The following CS variants were observed in gnomAD, a reference collection of about 807,000 sequenced individuals.
CS encodes the protein citrate synthase, also known as citrate synthase, mitochondrial.
Under a neutral mutation model 61.4 loss-of-function variants are expected in CS, and 13 were observed. The observed-to-expected ratio is 0.21, with a 90% CI of 0.14 to 0.34. The LOEUF (loss-of-function observed/expected upper bound fraction) is 0.34, where lower values mean the gene tolerates loss of function less well. Ranked by LOEUF, CS falls within the 10% of genes least tolerant of loss-of-function variation. The pLI, the probability that CS is intolerant of heterozygous loss-of-function variation, is 1.00. For synonymous variants in CS, 159 were observed against 215.2 expected, an observed-to-expected ratio of 0.74 and a Z score of 2.29; for missense variants, 278 against 573.4, an observed-to-expected ratio of 0.48 and a Z score of 5.26.
chr12:56,275,630 A>AGAGCT, intron 7 of CS: 1 of 269,206 alleles, frequency 3.7e-6, no homozygotes, highest in Admixed American at 4.9e-5. Context: ...ACTCATCCAC[A>AGAGCT]GAGCTGGAGA....
rs767299120 is a variant in CS, at chr12:56,276,019, C to T, written c.765G>A (p.Thr255=). ...ACCTGTGGATGGTGAGGTACAGGCGCGTGAGCTCAGTGAACTGATGATCAG... is the reference window on the plus strand; with the variant it reads ...ACCTGTGGATGGTGAGGTACAGGCGTGTGAGCTCAGTGAACTGATGATCAG... The part of the protein sequence containing the change: ...GYTDHQFTEL[T]RLYLTIHSDH... Residue 255 remains threonine, a synonymous_variant, in exon 7 of 11, where the codon ACG becomes ACA. Transcript: ENST00000351328. The T allele has an allele frequency of 1.2e-5, 19 of 1,614,028 alleles. No individual in the cohort carries two copies. Among genetic ancestry groups the T allele is most frequent in the South Asian group, 5.5e-5 (5 of 91,094 alleles).
intron 1 of CS, among the ~76,000 whole-genome samples, chr12:56,292,853 G>A (rs1042544006): frequency 6.6e-6 from 1 of 151,780 alleles, no homozygotes; most frequent in African/African-American, 2.4e-5. Context: ...GCAGTGAGCC[G>A]AGTTCGCACC....
intron 6 of CS, among the ~76,000 whole-genome samples, chr12:56,277,477 C>T (rs1211468531): frequency 2.0e-5 from 3 of 150,268 alleles, no homozygotes; most frequent in South Asian, 2.1e-4. Context: ...CCAGCCTGGG[C>T]GACAGAGTGA....
At chr12:56,277,010 G>A (rs1301292929) in intron 6 of CS, among the ~76,000 whole-genome samples, 1 of 151,898 alleles carries the variant, frequency 6.6e-6, no homozygotes, top group Non-Finnish European at 1.5e-5. Context: ...GACCAGCCTG[G>A]CCAACATGGT....
chr12:56,275,526 T>G (rs1421387186), intron 7 of CS: 5 of 209,134 alleles, frequency 2.4e-5, no homozygotes, highest in Admixed American at 2.2e-4. Context: ...GAGCCAAGAT[T>G]GCGCCATTGC....
chr12:56,273,326 A>C, intron 10 of CS, 72 bp from the exon 11 acceptor site: 1 of 1,474,622 alleles, frequency 6.8e-7, no homozygotes, highest in Admixed American at 2.0e-5. Flanking sequence ...AGGTGATAGA[A>C]ACCTTAAAAG....
intron 1 of CS, among the ~76,000 whole-genome samples, chr12:56,293,727 TA>T (rs1481799074): frequency 6.6e-6 from 1 of 151,792 alleles, no homozygotes; most frequent in South Asian, 2.1e-4. Flanking sequence ...ATAATAATAC[TA>T]AAAAAAATTA....
At position 56,283,963 on chromosome 12, in the gene CS, T is replaced by C. The variant is rs376250899; in HGVS notation, c.202-106A>G. On this transcript the variant is annotated intron_variant, in intron 3 of 10. Transcript: ENST00000351328. ...GCTTCATGGGATCTGGGAGAGAAAA[T>C]TTATTCTCAGACTTGTAAGACTTCA... 1.8e-4 allele frequency: 139 copies of C among 792,164 alleles called. 1 individual carries two copies. The East Asian group carries it at 3.4e-3, about 20-fold the overall frequency. 49.1% of individuals were successfully genotyped at this position (792,164 alleles called of 1,614,324 possible).
intron 3 of CS, among the ~76,000 whole-genome samples, chr12:56,284,323 AAAAAAAAAAAAAAAG>A (rs1872866381): frequency 6.7e-6 from 1 of 149,426 alleles, no homozygotes; most frequent in Non-Finnish European, 1.5e-5. Flanking sequence ...CCATCTCAAA[AAAAAAAAAAAAAAAG>A]AAAAAAAAAA....
At chr12:56,275,264 T>C in intron 7 of CS, 133 bp from the exon 8 acceptor site, 1 of 1,032,386 alleles carries the variant, frequency 9.7e-7, no homozygotes, top group East Asian at 2.4e-5. Context: ...CAGTTATACC[T>C]AAACTCTTGT....
At chr12:56,286,255 T>TG in intron 2 of CS, 1 of 564,218 alleles carries the variant, frequency 1.8e-6, no homozygotes, top group Non-Finnish European at 3.1e-6. Context: ...GTTCTGGAGA[T>TG]GGATGGTTGC....
chr12:56,285,310 T>C, intron 3 of CS: 1 of 420,636 alleles, frequency 2.4e-6, no homozygotes, highest in South Asian at 1.7e-5. Context: ...GGAGATAGGG[T>C]CTCCCTCTGT....
At chr12:56,286,081 A>G in intron 2 of CS, 58 bp from the exon 3 acceptor site, 1 of 1,447,402 alleles carries the variant, frequency 6.9e-7, no homozygotes. Flanking sequence ...GATTTCCTGC[A>G]AAGTAGGTGT....
At chr12:56,284,948 C>CTT (rs544119115) in intron 3 of CS, among the ~76,000 whole-genome samples, 1 of 140,726 alleles carries the variant, frequency 7.1e-6, no homozygotes. Flanking sequence ...CAAGGCTGAT[C>CTT]TTTTTTTTTT....
rs1289351492 is a variant in CS, at chr12:56,282,780, ATCAGCATTAAGTGTC to A, written c.399+65_399+79del. On this transcript the variant is annotated intron_variant, in intron 5 of 10. Coordinates refer to ENST00000351328, the MANE Select transcript of CS (RefSeq NM_004077.3). ...CACTACGCATCTCTATAAATGCCGG[ATCAGCATTAAGTGTC>A]TGAGATTAGAGAAAGGCAATGAAGA... 11 of 1,588,120 alleles carry A rather than the reference ATCAGCATTAAGTGTC, an allele frequency of 6.9e-6. No individual in the cohort carries two copies. In the African/African-American group the frequency reaches 1.5e-4, roughly 21 times the overall value.
At chr12:56,299,827 C>T in intron 1 of CS, 1 of 308,924 alleles carries the variant, frequency 3.2e-6, no homozygotes, top group Non-Finnish European at 6.1e-6. Context: ...CTAGTCTCTA[C>T]CAGAGGTTCC....
intron 9 of CS, chr12:56,274,163 A>C: frequency 3.9e-6 from 1 of 253,906 alleles, no homozygotes; most frequent in Non-Finnish European, 7.7e-6. Flanking sequence ...CTCTACTAAA[A>C]ATACAAAATT....
chr12:56,276,869 T>C (rs962416204), intron 6 of CS, among the ~76,000 whole-genome samples: 3 of 152,066 alleles, frequency 2.0e-5, no homozygotes, highest in Admixed American at 6.6e-5. Flanking sequence ...ATGATCTTTT[T>C]CACTACACCA....
At chr12:56,284,003 T>G (rs1266139296) in intron 3 of CS, 146 bp from the exon 4 acceptor site, 1 of 643,552 alleles carries the variant, frequency 1.6e-6, no homozygotes, top group African/African-American at 1.8e-5. Flanking sequence ...GTGAGAGATG[T>G]CTGAGGAGTC....
Sources: allele counts gnomAD v4.1 joint callset (sites outside exome capture counted in the v4.1 genomes callset), GRCh38; gene constraint gnomAD v4.1.1; transcripts MANE v1.5; gene names NCBI Gene and HGNC (gene_info 2026-07-23, HGNC 2026-07-21).